PTPRS: variants seen among roughly 807,000 people sequenced by gnomAD.
PTPRS encodes the protein receptor-type tyrosine-protein phosphatase S.
Under a neutral mutation model 215.3 loss-of-function variants are expected in PTPRS, and 63 were observed. That is an observed-to-expected ratio of 0.29 (90% CI 0.24 to 0.36). PTPRS has a LOEUF of 0.36. PTPRS is among the 10% of genes least tolerant of loss of function. PTPRS has a pLI of 1.00. For synonymous variants in PTPRS, 1,404 were observed against 1,191.4 expected, an observed-to-expected ratio of 1.18 and a Z score of -3.68; for missense variants, 2,258 against 2,825.8, an observed-to-expected ratio of 0.80 and a Z score of 4.56.
At chr19:5,212,277 GGGGCTGCT>G (rs1191247169) in intron 31 of PTPRS, 27 bp from the exon 32 acceptor site, 5 of 1,608,636 alleles carry the variant, frequency 3.1e-6, no homozygotes, top group East Asian at 4.5e-5. Flanking sequence ...GTGGCGTTCA[GGGGCTGCT>G]GGGCTGCGGG....
intron 25 of PTPRS, among the ~76,000 whole-genome samples, chr19:5,217,976 G>A (rs533768061): frequency 1.2e-4 from 18 of 152,220 alleles, no homozygotes; most frequent in Admixed American, 9.1e-4. Context: ...CATTGGGCAG[G>A]TATAATTTCT....
At chr19:5,209,578 T>C (rs2040675063) in intron 35 of PTPRS, among the ~76,000 whole-genome samples, 1 of 152,202 alleles carries the variant, frequency 6.6e-6, no homozygotes, top group Admixed American at 6.5e-5. Context: ...CCATTGACTA[T>C]TGTTTACTGT....
intron 1 of PTPRS, among the ~76,000 whole-genome samples, chr19:5,298,378 T>C (rs1035467209): frequency 3.3e-5 from 5 of 152,194 alleles, no homozygotes; most frequent in African/African-American, 4.8e-5. Context: ...AACCATACCC[T>C]TGACCGGGGC....
chr19:5,332,603 C>T (rs372004580), intron 1 of PTPRS, among the ~76,000 whole-genome samples: 2 of 152,174 alleles, frequency 1.3e-5, no homozygotes, highest in Non-Finnish European at 2.9e-5. Flanking sequence ...GAGAATCACA[C>T]ACCCGCCATG....
At chr19:5,253,717 A>T (rs2045336754) in intron 9 of PTPRS, among the ~76,000 whole-genome samples, 1 of 152,224 alleles carries the variant, frequency 6.6e-6, no homozygotes. Context: ...ATTATTTTTA[A>T]AAGTTTCCCA....
chr19:5,295,862 C>T lies in PTPRS; in HGVS notation c.-94-9628G>A, dbSNP rs978958595. On this transcript the variant is annotated intron_variant, in intron 1 of 37. Coordinates refer to ENST00000262963, the MANE Select transcript of PTPRS (RefSeq NM_002850.4). This position sits in a 1 kb window ranked among gnomAD's most constrained non-coding sequence, Gnocchi z 4.6. ...CTCAACCTCCTGGGCTCAAGTGATC[C>T]TCCCACCTCAGCCTCCTGAGTAGCT... Among the ~76,000 whole-genome samples the T allele has an allele frequency of 6.6e-6, 1 of 152,140 alleles. No individual in the cohort carries two copies. Among genetic ancestry groups the T allele is most frequent in the Non-Finnish European group, 1.5e-5 (1 of 68,026 alleles).
chr19:5,322,578 G>T (rs746074451), intron 1 of PTPRS, among the ~76,000 whole-genome samples: 11 of 152,102 alleles, frequency 7.2e-5, no homozygotes, highest in Non-Finnish European at 1.2e-4. Flanking sequence ...ACTGCCTCCA[G>T]CCCGCAGAAA....
At chr19:5,227,401 A>C (rs1599511058) in intron 16 of PTPRS, among the ~76,000 whole-genome samples, 1 of 126,284 alleles carries the variant, frequency 7.9e-6, no homozygotes. Context: ...CATCCCCACC[A>C]CAGCTGTAAC....
At chr19:5,225,526 C>CT (rs1434226704) in intron 17 of PTPRS, among the ~76,000 whole-genome samples, 1 of 136,010 alleles carries the variant, frequency 7.4e-6, no homozygotes, top group African/African-American at 2.9e-5. Context: ...AAGTGAGTGA[C>CT]AAAGGAGGAG....
At position 5,229,688 on chromosome 19, in the gene PTPRS, G is replaced by A. The variant is rs2042849708; in HGVS notation, c.2156-4C>T. On this transcript the variant is annotated splice_polypyrimidine_tract_variant and splice_region_variant and intron_variant, in intron 14 of 37. Coordinates refer to ENST00000262963, the MANE Select transcript of PTPRS (RefSeq NM_002850.4). The stretch of plus-strand genomic sequence containing the variant: ...TTCCGCGGCGGCGCGCTGGGCACTG[G>A]CGGGCGGGAGGGGAGGGGAGGGGCG... 1.6e-6 allele frequency: 2 copies of A among 1,259,090 alleles called. No individual in the cohort carries two copies. The highest frequency in any genetic ancestry group is 2.0e-6 in the Non-Finnish European group (2 of 1,005,088). 78.0% of individuals were successfully genotyped at this position (1,259,090 alleles called of 1,614,324 possible).
At position 5,210,938 on chromosome 19, in the gene PTPRS, C is replaced by G. The variant is rs944187800; in HGVS notation, c.5235-133G>C. On this transcript the variant is annotated intron_variant, in intron 33 of 37. Transcript: ENST00000262963. This position sits in a 1 kb window ranked among gnomAD's most constrained non-coding sequence, Gnocchi z 4.5. ...CCACCCCACTGCCTGCCAGGAATGGCTGCTGGGTGCACCACTTCCCCTCCT... is the reference window on the plus strand; with the variant it reads ...CCACCCCACTGCCTGCCAGGAATGGGTGCTGGGTGCACCACTTCCCCTCCT... 11 of 1,245,460 alleles carry G rather than the reference C, an allele frequency of 8.8e-6. No homozygotes were observed. Among genetic ancestry groups the G allele is most frequent in the South Asian group, 3.1e-5 (2 of 65,122 alleles). The allele number at this position is 1,245,460 out of a possible 1,614,324, so 77.2% of individuals were successfully genotyped here.
chr19:5,297,791 CTTTTTTTTT>C (rs373472522), intron 1 of PTPRS, among the ~76,000 whole-genome samples: 53 of 131,396 alleles, frequency 4.0e-4, no homozygotes, highest in African/African-American at 1.3e-3. Flanking sequence ...CTTTTCTTTT[CTTTTTTTTT>C]TTTTTTTTTT....
intron 9 of PTPRS, among the ~76,000 whole-genome samples, chr19:5,250,352 G>A (rs768235290): frequency 9.2e-5 from 14 of 152,174 alleles, no homozygotes; most frequent in Non-Finnish European, 8.8e-5. Flanking sequence ...GGTGACTGAC[G>A]CTGTGTTCTG....
intron 4 of PTPRS, among the ~76,000 whole-genome samples, chr19:5,268,191 T>A (rs12973621): frequency 0.52 from 58,073 of 111,414 alleles, 11,453 homozygotes; most frequent in Admixed American, 0.57. Context: ...ATAAATAAAT[T>A]AATTAATTAA....
At chr19:5,297,577 G>T (rs181364849) in intron 1 of PTPRS, among the ~76,000 whole-genome samples, 2 of 152,076 alleles carry the variant, frequency 1.3e-5, no homozygotes, top group Non-Finnish European at 2.9e-5. Flanking sequence ...GCTAAGAGAT[G>T]CCAAAAATAA....
chr19:5,211,503 G>A (rs1300412908), intron 33 of PTPRS, 87 bp downstream of exon 33: 6 of 1,381,180 alleles, frequency 4.3e-6, no homozygotes, highest in Non-Finnish European at 5.9e-6. Flanking sequence ...TATCTCCCCA[G>A]CTCTGTCTCC....
chr19:5,296,091 A>G (rs1272774195), intron 1 of PTPRS, among the ~76,000 whole-genome samples: 1 of 152,144 alleles, frequency 6.6e-6, no homozygotes, highest in Non-Finnish European at 1.5e-5. Context: ...AACATTTCCA[A>G]GCCCCGATGC....
intron 1 of PTPRS, among the ~76,000 whole-genome samples, chr19:5,291,417 G>A (rs1280213843): frequency 3.3e-5 from 5 of 152,066 alleles, no homozygotes; most frequent in Admixed American, 1.3e-4. Flanking sequence ...TCCTCTGGGC[G>A]CCCAGGCTGC....
At chr19:5,213,213 C>A (rs1471066605) in intron 30 of PTPRS, among the ~76,000 whole-genome samples, 1 of 152,232 alleles carries the variant, frequency 6.6e-6, no homozygotes, top group Non-Finnish European at 1.5e-5. Flanking sequence ...CCTTGGCTCC[C>A]ACCCAAGCCC....
Sources: gnomAD v4.1 joint callset for allele counts (sites outside exome capture counted in the v4.1 genomes callset) on GRCh38, gnomAD v4.1.1 for gene constraint, Gnocchi (gnomAD v3.1) non-coding constraint, MANE v1.5 for transcripts, NCBI Gene and HGNC (gene_info 2026-07-23, HGNC 2026-07-21) for gene names.